LRP1B: variants seen among roughly 807,000 people sequenced by gnomAD.
LRP1B encodes LDL receptor related protein 1B.
Under a neutral mutation model 556.6 loss-of-function variants are expected in LRP1B, and 217 were observed. The observed-to-expected ratio is 0.39, with a 90% CI of 0.35 to 0.44. The LOEUF (loss-of-function observed/expected upper bound fraction) is 0.44. Among genes scored for constraint, LRP1B ranks in the 20% least tolerant of loss-of-function variants. LRP1B has a pLI of 1.00. For missense variants in LRP1B, 5,053 were observed against 5,620.8 expected, an observed-to-expected ratio of 0.90 and a Z score of 3.23; for synonymous variants, 2,047 against 1,865.8, an observed-to-expected ratio of 1.10 and a Z score of -2.50.
intron 41 of LRP1B, among the ~76,000 whole-genome samples, chr2:140,633,993 T>A (rs756394116): frequency 2.0e-5 from 3 of 152,080 alleles, no homozygotes; most frequent in Non-Finnish European, 4.4e-5. Flanking sequence ...AAAGACATTA[T>A]AAGAAAGGAA....
chr2:141,611,473 C>G (rs1688106267), intron 2 of LRP1B, among the ~76,000 whole-genome samples: 2 of 152,102 alleles, frequency 1.3e-5, no homozygotes, highest in African/African-American at 4.8e-5. Flanking sequence ...GAAGCCACTT[C>G]CTCTCTTCCC....
At chr2:141,406,405 A>G (rs1384078146) in intron 3 of LRP1B, among the ~76,000 whole-genome samples, 1 of 152,088 alleles carries the variant, frequency 6.6e-6, no homozygotes, top group African/African-American at 2.4e-5. Context: ...TATCTCAGGC[A>G]AGGAACATAA....
intron 37 of LRP1B, among the ~76,000 whole-genome samples, chr2:140,706,968 T>A (rs997384418): frequency 5.3e-5 from 8 of 151,908 alleles, no homozygotes; most frequent in African/African-American, 1.9e-4. Context: ...GGTAATGGAG[T>A]GAAAGAAAAT....
At chr2:141,075,745 G>A (rs375408809) in intron 7 of LRP1B, among the ~76,000 whole-genome samples, 35 of 152,284 alleles carry the variant, frequency 2.3e-4, no homozygotes, top group East Asian at 2.1e-3. Flanking sequence ...AAGTATCCAC[G>A]AAGTTGTGGA....
chr2:141,578,092 G>A (rs546122454), intron 2 of LRP1B, among the ~76,000 whole-genome samples: 1 of 152,116 alleles, frequency 6.6e-6, no homozygotes, highest in East Asian at 1.9e-4. Context: ...CTTAAAAAGT[G>A]TTTAGCCAAA....
intron 51 of LRP1B, among the ~76,000 whole-genome samples, chr2:140,510,868 T>C (rs1044146901): frequency 6.6e-6 from 1 of 152,172 alleles, no homozygotes; most frequent in Non-Finnish European, 1.5e-5. Context: ...AGGGTAGCCA[T>C]ATGTCAAATG....
chr2:141,322,497 G>T (rs1335092921), intron 3 of LRP1B, among the ~76,000 whole-genome samples: 3 of 152,036 alleles, frequency 2.0e-5, no homozygotes, highest in Admixed American at 6.6e-5. Flanking sequence ...AGAGAAGATA[G>T]GATTACATTC....
intron 20 of LRP1B, among the ~76,000 whole-genome samples, chr2:140,924,535 A>T (rs2105261274): frequency 6.6e-6 from 1 of 152,172 alleles, no homozygotes; most frequent in South Asian, 2.1e-4. Context: ...TGCTGAACTA[A>T]TAAATAACCA....
intron 71 of LRP1B, among the ~76,000 whole-genome samples, chr2:140,367,548 T>C (rs943705494): frequency 2.6e-5 from 4 of 151,772 alleles, no homozygotes; most frequent in African/African-American, 9.7e-5. Context: ...TACTGCTGTA[T>C]TTACAATTAA....
chr2:141,478,096 T>C (rs1465324036), intron 3 of LRP1B, among the ~76,000 whole-genome samples: 1 of 152,178 alleles, frequency 6.6e-6, no homozygotes, highest in Admixed American at 6.5e-5. Context: ...CCAATATATA[T>C]GTCAATCTTT....
chr2:141,127,676 A>G (rs1701249697), intron 7 of LRP1B, among the ~76,000 whole-genome samples: 1 of 152,134 alleles, frequency 6.6e-6, no homozygotes, highest in South Asian at 2.1e-4. Context: ...TTCATGTCCA[A>G]TCATTTGGTT....
intron 41 of LRP1B, chr2:140,683,804 G>A: frequency 1.3e-6 from 1 of 790,710 alleles, no homozygotes; most frequent in Non-Finnish European, 2.1e-6. Flanking sequence ...CCAGCCTCCG[G>A]GCTAGGGGAT....
At chr2:141,575,902 T>C (rs1686724167) in intron 2 of LRP1B, among the ~76,000 whole-genome samples, 1 of 152,058 alleles carries the variant, frequency 6.6e-6, no homozygotes, top group African/African-American at 2.4e-5. Flanking sequence ...TGAGATACCA[T>C]CTCATGCCAG....
chr2:140,436,625 T>A (rs1405460055), intron 66 of LRP1B, among the ~76,000 whole-genome samples: 6 of 145,934 alleles, frequency 4.1e-5, no homozygotes, highest in South Asian at 2.2e-4. Flanking sequence ...TTTTTTTTTT[T>A]AAATTGCCAG....
chr2:140,769,104 T>G, intron 35 of LRP1B, 109 bp downstream of exon 35: 1 of 1,016,570 alleles, frequency 9.8e-7, no homozygotes, highest in Non-Finnish European at 1.4e-6. Context: ...GCTGCTTTCT[T>G]ATTTCTCATC....
At chr2:141,270,148 G>C (rs992140375) in intron 3 of LRP1B, among the ~76,000 whole-genome samples, 2 of 152,030 alleles carry the variant, frequency 1.3e-5, no homozygotes, top group Non-Finnish European at 2.9e-5. Flanking sequence ...TTTCTCCAAA[G>C]ATACGCAAAT....
At chr2:140,990,138 C>T (rs1820846) in intron 16 of LRP1B, among the ~76,000 whole-genome samples, 64,463 of 151,620 alleles carry the variant, frequency 0.43, 14,583 homozygotes, top group East Asian at 0.6. Flanking sequence ...ACCCAAGAGG[C>T]GGAGGTTGCA....
At chr2:141,767,800 AT>A (rs771118507) in intron 2 of LRP1B, among the ~76,000 whole-genome samples, 30 of 152,014 alleles carry the variant, frequency 2.0e-4, no homozygotes, top group Non-Finnish European at 2.4e-4. Context: ...TTAAACAGAA[AT>A]TTCACTCTCT....
chr2:141,594,783 G>A (rs2054657), intron 2 of LRP1B, among the ~76,000 whole-genome samples: 67,313 of 151,840 alleles, frequency 0.44, 15,454 homozygotes, highest in East Asian at 0.75. Context: ...AATTTTTTGA[G>A]TTAATATTTA....
Sources: allele counts gnomAD v4.1 joint callset (sites outside exome capture counted in the v4.1 genomes callset), GRCh38; gene constraint gnomAD v4.1.1; transcripts MANE v1.5; gene names NCBI Gene and HGNC (gene_info 2026-07-23, HGNC 2026-07-21).